Variants in SENP5 observed in about 807,000 individuals in gnomAD.
SENP5 encodes the protein SUMO specific peptidase 5.
Under a neutral mutation model 74.2 loss-of-function variants are expected in SENP5, and 21 were observed. The ratio of observed to expected loss-of-function variants is 0.28; its 90% CI spans 0.20 to 0.41. SENP5 has a LOEUF of 0.41. Ranked by LOEUF, SENP5 falls within the 10% of genes least tolerant of loss-of-function variation. The pLI is 1.00. For synonymous variants in SENP5, 311 were observed against 312.7 expected (o/e 0.99, Z 0.06); for missense variants, 717 against 889.1 (o/e 0.81, Z 2.46).
intron 5 of SENP5, 73 bp from the exon 6 acceptor site, chr3:196,903,460 A>G: frequency 3.2e-6 from 3 of 932,246 alleles, no homozygotes; most frequent in Non-Finnish European, 3.3e-6. Flanking sequence ...ACATTTTAAA[A>G]TTTCCTCTTT....
rs1004592678 is a variant in SENP5 at position 196,932,430 on chromosome 3, C to T, written c.*1507C>T. The T allele has an allele frequency of 6.6e-6, 1 of 152,304 alleles. No homozygotes were observed. The highest frequency in any genetic ancestry group is 2.4e-5 in the African/African-American group (1 of 41,432). 9.4% of individuals were successfully genotyped at this position (152,304 alleles called of 1,614,324 possible). A position where few individuals can be genotyped will look rare whatever the true frequency, so the allele number is the denominator to read the frequency against. On this transcript the variant is annotated 3_prime_UTR_variant, in exon 10 of 10. Transcript: ENST00000323460. ...CCAGCAGTTGAGGATTGAGTCCGAC[C>T]ATGTTTACATGCAGGGTTCCCAACA...
chr3:196,926,642 T>C (rs1715824492), intron 7 of SENP5, among the ~76,000 whole-genome samples: 1 of 148,414 alleles, frequency 6.7e-6, no homozygotes, highest in African/African-American at 2.5e-5. Context: ...AGTCCACCTT[T>C]TTTTTTTTTT....
rs1714910250 is a variant in SENP5, at chr3:196,906,497, G to A, written c.1884+2887G>A. ...GGTACAAAAGAAAAGTACTACAGGA[G>A]TGTATTGGAATGCAGGTTTGGTTAA... On this transcript the variant is annotated intron_variant, in intron 6 of 9. Coordinates refer to ENST00000323460, the MANE Select transcript of SENP5 (RefSeq NM_152699.5). Among the ~76,000 whole-genome samples the A allele has an allele frequency of 2.0e-5, 3 of 152,204 alleles. 1 individual carries two copies. In the South Asian group the frequency reaches 6.2e-4, roughly 31 times the overall value.
At chr3:196,919,741 C>T (rs1262431770) in intron 6 of SENP5, among the ~76,000 whole-genome samples, 3 of 151,110 alleles carry the variant, frequency 2.0e-5, no homozygotes, top group East Asian at 1.9e-4. Context: ...TGCAGTGAGC[C>T]GAGATTGTGC....
At chr3:196,898,194 A>G (rs1714531363) in intron 2 of SENP5, among the ~76,000 whole-genome samples, 1 of 151,188 alleles carries the variant, frequency 6.6e-6, no homozygotes. Flanking sequence ...AAAAGAAAAA[A>G]GAAAAGAAAG....
At chr3:196,890,163 A>G (rs556880379) in intron 2 of SENP5, among the ~76,000 whole-genome samples, 5 of 152,338 alleles carry the variant, frequency 3.3e-5, no homozygotes, top group African/African-American at 9.6e-5. Flanking sequence ...AAGTTACCTA[A>G]GTAGAGATGA....
intron 2 of SENP5, among the ~76,000 whole-genome samples, chr3:196,890,283 T>C (rs1002601905): frequency 2.6e-5 from 4 of 152,176 alleles, no homozygotes; most frequent in South Asian, 2.1e-4. Flanking sequence ...ATGAGTACAA[T>C]AGATAATCCT....
Position 196,886,478 on chromosome 3 carries a change from G to A in SENP5, c.1297G>A (p.Ala433Thr), listed in dbSNP as rs138019645. 3.1e-6 allele frequency: 5 copies of A among 1,611,048 alleles called. No individual in the cohort carries two copies. Among genetic ancestry groups the A allele is most frequent in the Non-Finnish European group, 3.4e-6 (4 of 1,178,654 alleles). The change falls in exon 2 of 10, where the codon GCT becomes ACT. Residue 433 changes from alanine to threonine, a missense_variant. Physicochemically the swap from Ala to Thr is moderately conservative, Grantham distance 58 (BLOSUM62 0). Around this residue, in one of 4 missense-constraint regions of SENP5, gnomAD observed 567 missense variants for 577.4 expected, o/e 0.98. Transcript: ENST00000323460. The stretch of plus-strand genomic sequence containing the variant: ...CGTAGATGGGCCTGTGTCCCAAAAG[G>A]CTGTTCAAAATGAGAACTCATACCA... Reference protein sequence around the residue: ...SSVDGPVSQKAVQNENSYQME... With the variant: ...SSVDGPVSQKTVQNENSYQME...
chr3:196,908,396 G>A (rs1714992387), intron 6 of SENP5, among the ~76,000 whole-genome samples: 1 of 152,202 alleles, frequency 6.6e-6, no homozygotes, highest in South Asian at 2.1e-4. Context: ...AAACCAATGA[G>A]AACAGAGAGA....
At chr3:196,930,769 C>A in intron 9 of SENP5, 44 bp from the exon 10 acceptor site, 2 of 1,218,962 alleles carry the variant, frequency 1.6e-6, no homozygotes, top group Non-Finnish European at 2.4e-6. Flanking sequence ...TGGTCCACAA[C>A]TCCAAGTGCC....
rs528799495 is a variant in SENP5, at chr3:196,894,680, A to C, written c.1514-4986A>C. Among the ~76,000 whole-genome samples the C allele has an allele frequency of 6.9e-4, 105 of 152,150 alleles. No homozygotes were observed. In the Middle Eastern group the frequency reaches 0.01, roughly 15 times the overall value. On this transcript the variant is annotated intron_variant, in intron 2 of 9. Transcript: ENST00000323460. ...CAGAGTCTCTTTGGATTTGATCTCT[A>C]TTCCATGCTGGCTCTATTTGCCTTA...
intron 1 of SENP5, among the ~76,000 whole-genome samples, chr3:196,869,912 A>G (rs568514527): frequency 1.3e-5 from 2 of 150,916 alleles, no homozygotes; most frequent in South Asian, 4.2e-4. Context: ...GAAATTTAAC[A>G]ATATTTTGCT....
At chr3:196,884,967 C>A (rs1246661840) in intron 1 of SENP5, among the ~76,000 whole-genome samples, 184 bp from the exon 2 acceptor site, 1 of 152,162 alleles carries the variant, frequency 6.6e-6, no homozygotes, top group Admixed American at 6.5e-5. Flanking sequence ...TACTCATGTC[C>A]TCCCTCCTCT....
chr3:196,898,265 A>G (rs1371324740), intron 2 of SENP5, among the ~76,000 whole-genome samples: 1 of 151,728 alleles, frequency 6.6e-6, no homozygotes, highest in Non-Finnish European at 1.5e-5. Context: ...AGGGATATAT[A>G]TAAGCACATA....
intron 6 of SENP5, chr3:196,914,578 AAAAAAAAAATATAT>A (rs1715277335): frequency 2.7e-5 from 2 of 72,800 alleles, no homozygotes; most frequent in African/African-American, 1.2e-4. Context: ...AAAAAAAAAA[AAAAAAAAAATATAT>A]ATATATATAT....
intron 1 of SENP5, among the ~76,000 whole-genome samples, chr3:196,870,571 G>C (rs1300260756): frequency 6.6e-6 from 1 of 151,852 alleles, no homozygotes; most frequent in Non-Finnish European, 1.5e-5. Context: ...AGGCTGGAGG[G>C]CAACAGCTTG....
intron 7 of SENP5, 23 bp from the exon 8 acceptor site, chr3:196,927,773 T>G: frequency 2.9e-6 from 4 of 1,376,892 alleles, no homozygotes; most frequent in Non-Finnish European, 3.1e-6. Flanking sequence ...ACAGCATCTG[T>G]GTTGTGGTTT....
intron 2 of SENP5, among the ~76,000 whole-genome samples, chr3:196,895,287 G>C (rs1039928105): frequency 5.4e-5 from 8 of 147,870 alleles, no homozygotes; most frequent in African/African-American, 2.0e-4. Context: ...CGCCTCCCAT[G>C]TTCACGCCAT....
chr3:196,897,813 A>G (rs1714507895), intron 2 of SENP5, among the ~76,000 whole-genome samples: 2 of 152,146 alleles, frequency 1.3e-5, no homozygotes. Flanking sequence ...GAACAACCTA[A>G]GTCATGTCTG....
Sources: gnomAD v4.1 joint callset for allele counts (sites outside exome capture counted in the v4.1 genomes callset) on GRCh38, gnomAD v4.1.1 for gene constraint, gnomAD v4.1.1 regional missense constraint, MANE v1.5 for transcripts, NCBI Gene and HGNC (gene_info 2026-07-23, HGNC 2026-07-21) for gene names.